ZNF837: variants seen among roughly 807,000 people sequenced by gnomAD.
ZNF837 encodes the protein zinc finger protein 837.
For missense variants in ZNF837, 955 were observed against 801.7 expected (o/e 1.19, Z -2.31); for synonymous variants, 475 against 365.2 (o/e 1.30, Z -3.43).
rs535704452 is a variant in ZNF837, at chr19:58,375,507, G to A, written c.-140+5434C>T. ...CTGTCACCCAAGCTGGAGTGCAGTG[G>A]TGTGATCTCAGCTCACTGCAACCTC... is the stretch of plus-strand genomic sequence containing the variant. On this transcript the variant is annotated intron_variant, in intron 1 of 2. Coordinates refer to ENST00000597582, the MANE Select transcript of ZNF837 (RefSeq NM_138466.2). Among the ~76,000 whole-genome samples the A allele has an allele frequency of 2.0e-4, 30 of 151,152 alleles. No homozygotes were observed. The East Asian group carries it at 5.7e-3, about 29-fold the overall frequency.
intron 1 of ZNF837, among the ~76,000 whole-genome samples, chr19:58,376,554 C>CAAAAA (rs59075587): frequency 5.8e-4 from 39 of 67,792 alleles, no homozygotes; most frequent in African/African-American, 8.4e-4. Context: ...GACTCTGTCT[C>CAAAAA]AAAAAAAAAA....
At position 58,367,724 on chromosome 19, in the gene ZNF837, C is replaced by G; in HGVS notation, c.*13G>C. 2 of 1,494,496 alleles carry G rather than the reference C, an allele frequency of 1.3e-6. No individual in the cohort carries two copies. The highest frequency in any genetic ancestry group is 1.8e-6 in the Non-Finnish European group (2 of 1,128,614). The allele number at this position is 1,494,496 out of a possible 1,614,324, so 92.6% of individuals were successfully genotyped here. On this transcript the variant is annotated 3_prime_UTR_variant, in exon 3 of 3. Transcript: ENST00000597582. ...TTCGCTTGGGCGACGCGTCGACTCT[C>G]GGCTCCCTGCAGTCAAGGCGCGGCG...
intron 1 of ZNF837, among the ~76,000 whole-genome samples, chr19:58,372,572 A>C (rs894052154): frequency 6.6e-6 from 1 of 152,200 alleles, no homozygotes; most frequent in African/African-American, 2.4e-5. Flanking sequence ...GGTGGCCTGA[A>C]ATAACTTGAC....
intron 1 of ZNF837, among the ~76,000 whole-genome samples, chr19:58,372,029 CTTTA>C (rs556352915): frequency 1.6e-3 from 238 of 151,538 alleles, no homozygotes; most frequent in Non-Finnish European, 2.2e-3. Flanking sequence ...CCAGATATCC[CTTTA>C]TTTATTTGTT....
At chr19:58,372,425 G>A (rs1194068488) in intron 1 of ZNF837, among the ~76,000 whole-genome samples, 2 of 127,362 alleles carry the variant, frequency 1.6e-5, no homozygotes, top group Admixed American at 1.5e-4. Context: ...CCCAACACTT[G>A]GGGAGTCCGG....
intron 1 of ZNF837, among the ~76,000 whole-genome samples, chr19:58,377,888 G>C (rs1393004006): frequency 6.6e-6 from 1 of 152,192 alleles, no homozygotes; most frequent in Admixed American, 6.5e-5. Context: ...ACCACACACA[G>C]TATCTGGCGT....
chr19:58,368,839 G>A lies in ZNF837; in HGVS notation c.494C>T (p.Thr165Met), dbSNP rs2052170629. The A allele has an allele frequency of 9.7e-6, 15 of 1,547,078 alleles. No homozygotes were observed. Among genetic ancestry groups the A allele is most frequent in the Non-Finnish European group, 1.3e-5 (15 of 1,146,692 alleles). The change falls in exon 3 of 3, where the codon ACG becomes ATG. Residue 165 changes from threonine (T) to methionine (M), a missense_variant. Coordinates refer to ENST00000597582, the MANE Select transcript of ZNF837 (RefSeq NM_138466.2). ...CCCTGGTTGGCACGGCCAACAGTCC[G>A]TGTGGACCTCACACAGTTGAGTCCG... ...HPRTQLCEVH[T>M]DCWPCQPGTG...
At chr19:58,376,554 C>CAAAAAA (rs59075587) in intron 1 of ZNF837, among the ~76,000 whole-genome samples, 15 of 67,798 alleles carry the variant, frequency 2.2e-4, no homozygotes, top group African/African-American at 6.4e-4. Context: ...GACTCTGTCT[C>CAAAAAA]AAAAAAAAAA....
intron 1 of ZNF837, among the ~76,000 whole-genome samples, chr19:58,373,712 G>T (rs192272128): frequency 1.3e-3 from 195 of 152,330 alleles, no homozygotes; most frequent in African/African-American, 4.7e-3. Context: ...ACCTGCTCAT[G>T]GGCACTGACC....
intron 1 of ZNF837, among the ~76,000 whole-genome samples, chr19:58,371,656 G>T (rs143644556): frequency 2.0e-3 from 298 of 152,306 alleles, no homozygotes; most frequent in African/African-American, 6.7e-3. Flanking sequence ...CAGGAGCTCA[G>T]ATTCTTCTCC....
chr19:58,368,193 C>A lies in ZNF837; in HGVS notation c.1140G>T (p.Glu380Asp). The change falls in exon 3 of 3, where the codon GAG (glutamate) becomes GAT (aspartate). Residue 380 changes from glutamate to aspartate, a missense_variant. Transcript: ENST00000597582. ...KAFGLFSHLV[E>D]HRRVHTGEKP... is the part of the protein sequence containing the mutation. ...TCTCGCCGGTGTGCACGCGCCGGTG[C>A]TCCACGAGGTGCGAGAACAGCCCGA... The A allele has an allele frequency of 6.4e-7, 1 of 1,570,076 alleles. No individual in the cohort carries two copies. Among genetic ancestry groups the A allele is most frequent in the Non-Finnish European group, 8.6e-7 (1 of 1,160,820 alleles).
At chr19:58,379,630 G>T (rs763897567) in intron 1 of ZNF837, among the ~76,000 whole-genome samples, 2 of 152,182 alleles carry the variant, frequency 1.3e-5, no homozygotes, top group African/African-American at 2.4e-5. Flanking sequence ...CTGGGTGCTC[G>T]CCCAGCCTTT....
intron 1 of ZNF837, among the ~76,000 whole-genome samples, chr19:58,374,423 G>A (rs988933373): frequency 1.3e-5 from 2 of 152,172 alleles, no homozygotes. Flanking sequence ...TAAAAGCAGT[G>A]AGTCACAAAA....
At chr19:58,372,399 G>C (rs2052210027) in intron 1 of ZNF837, among the ~76,000 whole-genome samples, 1 of 151,152 alleles carries the variant, frequency 6.6e-6, no homozygotes, top group South Asian at 2.1e-4. Flanking sequence ...CGGGTGTGGT[G>C]GCTCATGCCT....
intron 1 of ZNF837, among the ~76,000 whole-genome samples, chr19:58,377,884 C>T (rs2122136430): frequency 6.6e-6 from 1 of 152,320 alleles, no homozygotes; most frequent in East Asian, 1.9e-4. Flanking sequence ...AACCACCACA[C>T]ACAGTATCTG....
intron 1 of ZNF837, among the ~76,000 whole-genome samples, chr19:58,375,313 A>ATATATATATATATAAATATAT (rs1568568408): frequency 2.9e-5 from 1 of 34,576 alleles, no homozygotes; most frequent in Non-Finnish European, 6.7e-5. Flanking sequence ...TATATATATA[A>ATATATATATATATAAATATAT]AATTACATAT....
intron 1 of ZNF837, among the ~76,000 whole-genome samples, chr19:58,378,563 A>G (rs537769866): frequency 1.3e-5 from 2 of 152,290 alleles, no homozygotes; most frequent in African/African-American, 4.8e-5. Context: ...AACAGGGACA[A>G]TTGATCACCA....
In ZNF837 at chr19:58,376,215, C is replaced by T. The variant is rs377630290; in HGVS notation, c.-140+4726G>A. Among the ~76,000 whole-genome samples the T allele has an allele frequency of 2.0e-5, 3 of 152,080 alleles. No homozygotes were observed. In the South Asian group the frequency reaches 6.2e-4, roughly 32 times the overall value. ...GATCACAGGCACAAGCCACTGCGCCCGGCCGAAGGTGGTTTCTTTTAAGCA... is the reference window on the plus strand; with the variant it reads ...GATCACAGGCACAAGCCACTGCGCCTGGCCGAAGGTGGTTTCTTTTAAGCA... On this transcript the variant is annotated intron_variant, in intron 1 of 2. Coordinates refer to ENST00000597582, the MANE Select transcript of ZNF837 (RefSeq NM_138466.2).
At position 58,378,535 on chromosome 19, in the gene ZNF837, C is replaced by T. The variant is rs568723412; in HGVS notation, c.-140+2406G>A. ...GGACTTCCCAGGGTGAAAGACCATA[C>T]CTGGGACAGCCTGGCCAAACAGGGA... On this transcript the variant is annotated intron_variant, in intron 1 of 2. Coordinates refer to ENST00000597582, the MANE Select transcript of ZNF837 (RefSeq NM_138466.2). Among the ~76,000 whole-genome samples, 11 of 152,250 alleles carry T rather than the reference C, an allele frequency of 7.2e-5. No homozygotes were observed. The South Asian group carries it at 2.1e-3, about 29-fold the overall frequency.
Sources: gnomAD v4.1 joint callset for allele counts (sites outside exome capture counted in the v4.1 genomes callset) on GRCh38, gnomAD v4.1.1 for gene constraint, MANE v1.5 for transcripts, NCBI Gene and HGNC (gene_info 2026-07-23, HGNC 2026-07-21) for gene names.